Variants in MTO1 observed in about 807,000 individuals in gnomAD.
MTO1 encodes the protein 5-taurinomethyluridine-[tRNA] synthase subunit MTO1, mitochondrial.
MTO1 carries 46 observed loss-of-function variants against 71.6 expected under a neutral mutation model. That is an observed-to-expected ratio of 0.64 (90% CI 0.51 to 0.82). The LOEUF (loss-of-function observed/expected upper bound fraction) is 0.82, where lower values mean the gene tolerates loss of function less well. Among genes scored for constraint, MTO1 ranks in the 40% least tolerant of loss-of-function variants. The pLI, the probability that MTO1 is intolerant of heterozygous loss-of-function variation, is 0.00. For missense variants in MTO1, 773 were observed against 867.5 expected (o/e 0.89, Z 1.37); for synonymous variants, 297 against 312.1 (o/e 0.95, Z 0.51).
chr6:73,463,117 G>A (rs916811661), intron 1 of MTO1, among the ~76,000 whole-genome samples: 27 of 151,230 alleles, frequency 1.8e-4, no homozygotes, highest in African/African-American at 6.6e-4. Context: ...TCCGCCTTCC[G>A]GGTTAATGCC....
chr6:73,493,275 G>A (rs527902820), intron 10 of MTO1, among the ~76,000 whole-genome samples: 4 of 149,028 alleles, frequency 2.7e-5, no homozygotes, highest in Non-Finnish European at 4.4e-5. Context: ...GATTACAGGC[G>A]TGAGCCACTG....
rs1315932856 is a variant in MTO1, at chr6:73,505,628, T to C, written c.*4893T>C. ...TGGAGTGCAATGGTGTGATCTTGGT[T>C]CACTGCAACCTCTGCCTCCTAGGTT... On this transcript the variant is annotated 3_prime_UTR_variant, in exon 12 of 12. Transcript: ENST00000498286. The C allele has an allele frequency of 6.6e-6, 1 of 152,218 alleles. No homozygotes were observed. Among genetic ancestry groups the C allele is most frequent in the African/African-American group, 2.4e-5 (1 of 41,460 alleles). 9.4% of individuals were successfully genotyped at this position (152,218 alleles called of 1,614,324 possible). A position where few individuals can be genotyped will look rare whatever the true frequency, so the allele number is the denominator to read the frequency against.
chr6:73,461,932 C>G lies in MTO1; in HGVS notation c.78C>G (p.Ser26Arg), dbSNP rs924867881. Residue 26 changes from serine (S) to arginine (R), a missense_variant, in exon 1 of 12, where the codon AGC becomes AGG. Physicochemically the swap from Ser to Arg is moderately radical, Grantham distance 110. Transcript: ENST00000498286. The stretch of plus-strand genomic sequence containing the variant: ...AGCAATTTCCGTTGGCACGGTTGAG[C>G]AGTGACAGCGCGGCGCCCCGGACTC... ...TKQQFPLARLSSDSAAPRTPH... is the reference protein window; with the variant it reads ...TKQQFPLARLRSDSAAPRTPH... 35 of 1,614,126 alleles carry G rather than the reference C, an allele frequency of 2.2e-5. No individual in the cohort carries two copies. The highest frequency in any genetic ancestry group is 2.8e-5 in the Non-Finnish European group (33 of 1,180,044).
chr6:73,472,480 A>C lies in MTO1; in HGVS notation c.536-885A>C, dbSNP rs915393143. On this transcript the variant is annotated intron_variant, in intron 3 of 11. Coordinates refer to ENST00000498286, the MANE Select transcript of MTO1 (RefSeq NM_012123.4). ...GGTACATGTGAATTGGTGATAACAC[A>C]TTGTATTCTCTCTCCTAGATTGCTT... Among the ~76,000 whole-genome samples, 18 of 152,286 alleles carry C rather than the reference A, an allele frequency of 1.2e-4. No individual in the cohort carries two copies. In the East Asian group the frequency reaches 3.1e-3, roughly 26 times the overall value.
chr6:73,462,440 GGT>G, intron 1 of MTO1: 1 of 230,032 alleles, frequency 4.3e-6, no homozygotes, highest in Non-Finnish European at 8.7e-6. Context: ...TATTAACAAT[GGT>G]TTATGGCCAG....
intron 7 of MTO1, 73 bp from the exon 8 acceptor site, chr6:73,481,967 G>T: frequency 6.6e-7 from 1 of 1,508,784 alleles, no homozygotes. Context: ...CATTGTTTCT[G>T]AGTAGTGTTC....
intron 3 of MTO1, among the ~76,000 whole-genome samples, chr6:73,469,437 A>T (rs1164476593): frequency 6.6e-6 from 1 of 151,136 alleles, no homozygotes; most frequent in African/African-American, 2.4e-5. Context: ...TAGCCTGGCC[A>T]ACATGGTGAA....
In MTO1 at chr6:73,500,897, C is replaced by A; in HGVS notation, c.*162C>A. On this transcript the variant is annotated 3_prime_UTR_variant, in exon 12 of 12. Coordinates refer to ENST00000498286, the MANE Select transcript of MTO1 (RefSeq NM_012123.4). Reference sequence around the variant, plus strand: ...GACAGAAATTATAATTGTGCTTTTTCGTGTATATGAAAAAACTAGTCGTAA... The same window carrying A: ...GACAGAAATTATAATTGTGCTTTTTAGTGTATATGAAAAAACTAGTCGTAA... The A allele has an allele frequency of 1.8e-6, 1 of 541,698 alleles. No homozygotes were observed. Among genetic ancestry groups the A allele is most frequent in the Non-Finnish European group, 2.9e-6 (1 of 349,354 alleles). The allele number at this position is 541,698 out of a possible 1,614,324, so 33.6% of individuals were successfully genotyped here.
chr6:73,463,255 T>C (rs1236127254), intron 1 of MTO1, among the ~76,000 whole-genome samples: 2 of 151,886 alleles, frequency 1.3e-5, no homozygotes, highest in Non-Finnish European at 2.9e-5. Context: ...ATGGTCTCGA[T>C]CTCCTGACCT....
intron 4 of MTO1, among the ~76,000 whole-genome samples, chr6:73,474,337 C>T (rs1363341476): frequency 1.3e-5 from 2 of 151,894 alleles, no homozygotes; most frequent in Non-Finnish European, 2.9e-5. Flanking sequence ...CCCATTTCAG[C>T]CTCTCAAAGT....
chr6:73,480,577 T>A, intron 6 of MTO1, 98 bp from the exon 7 acceptor site: 1 of 1,455,252 alleles, frequency 6.9e-7, no homozygotes, highest in Non-Finnish European at 9.5e-7. Context: ...ACCTAAATAG[T>A]CTGTTTTTAA....
chr6:73,494,747 A>AT (rs1366369037), intron 10 of MTO1, among the ~76,000 whole-genome samples: 1 of 139,394 alleles, frequency 7.2e-6, no homozygotes, highest in African/African-American at 2.7e-5. Flanking sequence ...AAGTGCTGGG[A>AT]TTACAGGCAT....
At chr6:73,498,872 A>C (rs551148705) in intron 11 of MTO1, among the ~76,000 whole-genome samples, 2 of 151,934 alleles carry the variant, frequency 1.3e-5, no homozygotes, top group Non-Finnish European at 2.9e-5. Flanking sequence ...CTACAGGCGC[A>C]TGCCACCACA....
Position 73,503,903 on chromosome 6 carries a change from A to AGATGGCTATT in MTO1, c.*3168_*3169insGATGGCTATT, listed in dbSNP as rs1302883236. The AGATGGCTATT allele has an allele frequency of 5.9e-5, 9 of 152,190 alleles. No homozygotes were observed. The highest frequency in any genetic ancestry group is 1.2e-4 in the Non-Finnish European group (8 of 68,040). 9.4% of individuals were successfully genotyped at this position (152,190 alleles called of 1,614,324 possible). Reference sequence around the variant, plus strand: ...AGTATTTTGTCATTTTTTAGTTTCAACCTAGATTGGAATAGCCATGGCTTT... The same window carrying AGATGGCTATT: ...AGTATTTTGTCATTTTTTAGTTTCAAGATGGCTATTCCTAGATTGGAATAGCCATGGCTTT... On this transcript the variant is annotated 3_prime_UTR_variant, in exon 12 of 12. Coordinates refer to ENST00000498286, the MANE Select transcript of MTO1 (RefSeq NM_012123.4).
At chr6:73,471,084 G>A (rs1271566913) in intron 3 of MTO1, among the ~76,000 whole-genome samples, 2 of 151,874 alleles carry the variant, frequency 1.3e-5, no homozygotes, top group Admixed American at 6.6e-5. Flanking sequence ...ATGTCTTCAT[G>A]CATATGTATA....
intron 3 of MTO1, among the ~76,000 whole-genome samples, chr6:73,469,372 C>A (rs1465588694): frequency 2.0e-5 from 3 of 151,776 alleles, no homozygotes; most frequent in Non-Finnish European, 2.9e-5. Context: ...CGCCTGTAAT[C>A]CCAGCACTTT....
intron 4 of MTO1, among the ~76,000 whole-genome samples, chr6:73,475,111 T>A (rs1771272739): frequency 6.6e-6 from 1 of 152,006 alleles, no homozygotes; most frequent in East Asian, 1.9e-4. Context: ...AAGCTTTTAT[T>A]TTAAAAAATT....
rs1284832924 is a variant in MTO1 at position 73,466,194 on chromosome 6, G to A, written c.218-15G>A. 2 of 1,597,672 alleles carry A rather than the reference G, an allele frequency of 1.3e-6. No individual in the cohort carries two copies. The highest frequency in any genetic ancestry group is 1.7e-4 in the Middle Eastern group (1 of 6,056). Reference sequence around the variant, plus strand: ...GTGCTCATATATTTATTTTGTTTATGTCTATTATCTTTAGGTCAGATGTCA... The same window carrying A: ...GTGCTCATATATTTATTTTGTTTATATCTATTATCTTTAGGTCAGATGTCA... On this transcript the variant is annotated splice_polypyrimidine_tract_variant and intron_variant, in intron 1 of 11. Coordinates refer to ENST00000498286, the MANE Select transcript of MTO1 (RefSeq NM_012123.4).
At chr6:73,491,377 T>A (rs1771799244) in intron 9 of MTO1, among the ~76,000 whole-genome samples, 2 of 137,160 alleles carry the variant, frequency 1.5e-5, no homozygotes, top group Admixed American at 8.0e-5. Flanking sequence ...CTGGGCAACA[T>A]GACAAAACCC....
Sources: allele counts gnomAD v4.1 joint callset (sites outside exome capture counted in the v4.1 genomes callset), GRCh38; gene constraint gnomAD v4.1.1; transcripts MANE v1.5; gene names NCBI Gene and HGNC (gene_info 2026-07-23, HGNC 2026-07-21).